Variants in TBCK observed in about 807,000 individuals in gnomAD.
TBCK encodes the protein TBC1 domain containing kinase.
A neutral mutation model predicts 113.4 loss-of-function variants in TBCK; 99 were observed. That is an observed-to-expected ratio of 0.87 (90% CI 0.74 to 1.03). The LOEUF (loss-of-function observed/expected upper bound fraction) is 1.03. TBCK is among the 50% of genes least tolerant of loss of function. TBCK has a pLI of 0.00. For missense variants in TBCK, 1,045 were observed against 1,061.3 expected (o/e 0.98, Z 0.21); for synonymous variants, 369 against 370.8 (o/e 1.00, Z 0.05).
intron 24 of TBCK, among the ~76,000 whole-genome samples, chr4:106,107,419 G>A (rs1315023720): frequency 6.6e-6 from 1 of 152,080 alleles, no homozygotes; most frequent in Non-Finnish European, 1.5e-5. Flanking sequence ...TATAAGAACT[G>A]AAGTCATTCC....
chr4:106,202,533 G>A (rs1224959777), intron 20 of TBCK, among the ~76,000 whole-genome samples: 1 of 151,938 alleles, frequency 6.6e-6, no homozygotes, highest in Admixed American at 6.6e-5. Context: ...TAAAGATTGA[G>A]AATTTTCCAT....
chr4:106,080,908 C>T (rs527335974), intron 25 of TBCK, among the ~76,000 whole-genome samples: 7 of 152,140 alleles, frequency 4.6e-5, no homozygotes, highest in East Asian at 3.9e-4. Context: ...AGCCAACGAA[C>T]GTAAGGAAGA....
intron 3 of TBCK, among the ~76,000 whole-genome samples, chr4:106,265,740 T>C (rs1417894132): frequency 1.3e-5 from 2 of 151,850 alleles, no homozygotes; most frequent in East Asian, 3.8e-4. Flanking sequence ...CTTCATTTCC[T>C]CTATGGTGAG....
chr4:106,067,866 C>T lies in TBCK; in HGVS notation c.2572-21186G>A, dbSNP rs566077453. On this transcript the variant is annotated intron_variant, in intron 25 of 25. Coordinates refer to ENST00000394708, the MANE Select transcript of TBCK (RefSeq NM_001163435.3). ...ATTGGTCTATATGTCTATCATTATGCCTGTATCGTTTTGATTACTATAGCT... is the reference window on the plus strand; with the variant it reads ...ATTGGTCTATATGTCTATCATTATGTCTGTATCGTTTTGATTACTATAGCT... Among the ~76,000 whole-genome samples, 5 of 152,166 alleles carry T rather than the reference C, an allele frequency of 3.3e-5. No individual in the cohort carries two copies. The South Asian group carries it at 1.0e-3, about 32-fold the overall frequency.
chr4:106,176,965 T>G (rs564022002), intron 22 of TBCK, among the ~76,000 whole-genome samples: 2 of 151,840 alleles, frequency 1.3e-5, no homozygotes, highest in South Asian at 2.1e-4. Flanking sequence ...TAAGTGTTTT[T>G]TTTTTTTTTA....
At chr4:106,117,326 T>A (rs909979992) in intron 23 of TBCK, among the ~76,000 whole-genome samples, 4 of 152,208 alleles carry the variant, frequency 2.6e-5, no homozygotes, top group Non-Finnish European at 4.4e-5. Context: ...ACATAGTAAT[T>A]AAAGAAACTG....
chr4:106,186,566 T>C (rs1753052310), intron 22 of TBCK, among the ~76,000 whole-genome samples: 1 of 152,168 alleles, frequency 6.6e-6, no homozygotes, highest in African/African-American at 2.4e-5. Context: ...ACTTTTTACA[T>C]TTTTAAAGGG....
At position 106,291,281 on chromosome 4, in the gene TBCK, C is replaced by A. The variant is rs531336732; in HGVS notation, c.266+3813G>T. Reference sequence around the variant, plus strand: ...CAGTTTTGATAAGCCTACAAGCTAACCCCTAGTCACAATGAGTAAAAACCA... The same window carrying A: ...CAGTTTTGATAAGCCTACAAGCTAAACCCTAGTCACAATGAGTAAAAACCA... On this transcript the variant is annotated intron_variant, in intron 3 of 25. Coordinates refer to ENST00000394708, the MANE Select transcript of TBCK (RefSeq NM_001163435.3). Among the ~76,000 whole-genome samples the A allele has an allele frequency of 2.6e-4, 39 of 152,280 alleles. No homozygotes were observed. In the South Asian group the frequency reaches 7.7e-3, roughly 30 times the overall value.
At chr4:106,215,683 G>A (rs1239247717) in intron 19 of TBCK, among the ~76,000 whole-genome samples, 2 of 152,004 alleles carry the variant, frequency 1.3e-5, no homozygotes, top group Non-Finnish European at 2.9e-5. Context: ...AAATATATAT[G>A]CACTCAATAC....
intron 3 of TBCK, among the ~76,000 whole-genome samples, chr4:106,278,676 G>C (rs1417953369): frequency 6.7e-6 from 1 of 148,958 alleles, no homozygotes; most frequent in East Asian, 2.0e-4. Context: ...GCCAAAAATA[G>C]TACAGATACA....
chr4:106,251,743 T>C, intron 6 of TBCK, 123 bp downstream of exon 6: 2 of 914,104 alleles, frequency 2.2e-6, no homozygotes, highest in South Asian at 3.9e-5. Context: ...AATTAAGCCT[T>C]TTCTCCTCAT....
chr4:106,167,175 G>T (rs1232906482), intron 23 of TBCK, among the ~76,000 whole-genome samples: 2 of 144,708 alleles, frequency 1.4e-5, no homozygotes, highest in African/African-American at 2.5e-5. Context: ...TGTATATATA[G>T]AACTGTATAT....
At chr4:106,081,623 T>C (rs900255553) in intron 25 of TBCK, among the ~76,000 whole-genome samples, 3 of 152,048 alleles carry the variant, frequency 2.0e-5, no homozygotes, top group Non-Finnish European at 2.9e-5. Flanking sequence ...TGGCACACAC[T>C]TACCTGTGTA....
chr4:106,123,620 C>CTA (rs1487849019), intron 23 of TBCK, among the ~76,000 whole-genome samples: 2 of 152,156 alleles, frequency 1.3e-5, no homozygotes, highest in Non-Finnish European at 2.9e-5. Flanking sequence ...TGACTTCAAA[C>CTA]TATACTACAA....
chr4:106,094,350 T>A (rs909672771), intron 25 of TBCK, among the ~76,000 whole-genome samples: 1 of 152,162 alleles, frequency 6.6e-6, no homozygotes, highest in African/African-American at 2.4e-5. Flanking sequence ...AATAAAAAAA[T>A]TCAAGAAGTG....
At chr4:106,316,218 C>T (rs549824227), upstream of TBCK, 6 of 250,450 alleles carry the variant, frequency 2.4e-5, no homozygotes, top group African/African-American at 1.3e-4. Context: ...CTACCCTCCC[C>T]TCAGCCTGGC....
rs1759047104 is a variant in TBCK, at chr4:106,233,063, A to G, written c.1514T>C (p.Ile505Thr). 2 of 1,609,656 alleles carry G rather than the reference A, an allele frequency of 1.2e-6. No individual in the cohort carries two copies. The highest frequency in any genetic ancestry group is 2.7e-5 in the African/African-American group (2 of 74,774). ...ATGACAGCGAGGAATATCCACTTCA[A>G]TCTGTTAAAATAGCAAAATAATAAG... ...KDTPIPTDRQ[I>T]EVDIPRCHQY... is the part of the protein sequence containing the mutation. The change falls in exon 17 of 26, where the codon ATT becomes ACT. Residue 505 changes from isoleucine (I) to threonine (T), a missense_variant and splice_region_variant. Coordinates refer to ENST00000394708, the MANE Select transcript of TBCK (RefSeq NM_001163435.3).
At chr4:106,309,240 T>C (rs1767891939) in intron 1 of TBCK, among the ~76,000 whole-genome samples, 1 of 151,770 alleles carries the variant, frequency 6.6e-6, no homozygotes, top group Admixed American at 6.6e-5. Context: ...CTCAATGACA[T>C]TTGACAGTTT....
chr4:106,191,783 G>T (rs1300609764), intron 22 of TBCK, among the ~76,000 whole-genome samples: 2 of 152,158 alleles, frequency 1.3e-5, no homozygotes, highest in Non-Finnish European at 2.9e-5. Context: ...AAACCCAATT[G>T]TACCAGCTGA....
Sources: allele counts gnomAD v4.1 joint callset (sites outside exome capture counted in the v4.1 genomes callset), GRCh38; gene constraint gnomAD v4.1.1; transcripts MANE v1.5; gene names NCBI Gene and HGNC (gene_info 2026-07-23, HGNC 2026-07-21).